NRG3: variants seen among roughly 807,000 people sequenced by gnomAD.
NRG3 encodes the protein pro-neuregulin-3, membrane-bound isoform.
Under a neutral mutation model 66.9 loss-of-function variants are expected in NRG3, and 31 were observed. The observed-to-expected ratio is 0.46, with a 90% confidence interval of 0.35 to 0.63. The LOEUF is 0.63. Ranked by LOEUF, NRG3 falls within the 20% of genes least tolerant of loss-of-function variation. NRG3 has a pLI of 0.00. For missense variants in NRG3, 910 were observed against 878.9 expected, an observed-to-expected ratio of 1.04 and a Z score of -0.45; for synonymous variants, 393 against 359.4, an observed-to-expected ratio of 1.09 and a Z score of -1.06.
intron 2 of NRG3, among the ~76,000 whole-genome samples, chr10:82,566,939 AG>A (rs2133074661): frequency 6.6e-6 from 1 of 152,108 alleles, no homozygotes; most frequent in Non-Finnish European, 1.5e-5. Flanking sequence ...GTGTCCTCAC[AG>A]TAAAGGAGTT....
intron 1 of NRG3, among the ~76,000 whole-genome samples, chr10:82,246,665 A>G (rs2077257783): frequency 6.6e-6 from 1 of 152,222 alleles, no homozygotes; most frequent in Non-Finnish European, 1.5e-5. Flanking sequence ...AAGAGGTCAA[A>G]CACAGAGCAG....
At chr10:82,443,881 A>T (rs560341588) in intron 2 of NRG3, among the ~76,000 whole-genome samples, 1 of 152,336 alleles carries the variant, frequency 6.6e-6, no homozygotes, top group Non-Finnish European at 1.5e-5. Context: ...TGCTTTCATT[A>T]TGAAGAAATG....
At chr10:81,943,792 C>A (rs1220988292) in intron 1 of NRG3, among the ~76,000 whole-genome samples, 1 of 152,184 alleles carries the variant, frequency 6.6e-6, no homozygotes, top group African/African-American at 2.4e-5. Context: ...AATCGTGGTG[C>A]TTTATACTGT....
chr10:82,119,704 T>G (rs1304636988), intron 1 of NRG3, among the ~76,000 whole-genome samples: 1 of 152,172 alleles, frequency 6.6e-6, no homozygotes, highest in African/African-American at 2.4e-5. Flanking sequence ...AATATATTCC[T>G]GTAAATATAC....
intron 2 of NRG3, among the ~76,000 whole-genome samples, chr10:82,501,718 A>G (rs931311904): frequency 6.6e-6 from 1 of 152,176 alleles, no homozygotes; most frequent in Non-Finnish European, 1.5e-5. Context: ...TTGACCATGC[A>G]TCAAGTGTTG....
chr10:82,538,884 C>T (rs2043344570), intron 2 of NRG3, among the ~76,000 whole-genome samples: 2 of 152,114 alleles, frequency 1.3e-5, no homozygotes, highest in African/African-American at 4.8e-5. Flanking sequence ...GATCACCAAA[C>T]ATTGAAGTTT....
intron 1 of NRG3, among the ~76,000 whole-genome samples, chr10:81,939,963 G>A (rs1231050759): frequency 1.3e-5 from 2 of 151,638 alleles, no homozygotes; most frequent in African/African-American, 4.8e-5. Context: ...ATTTTGGTAT[G>A]CTGTGTTTTC....
chr10:82,976,917 C>T (rs1852317147), intron 7 of NRG3, among the ~76,000 whole-genome samples: 1 of 152,158 alleles, frequency 6.6e-6, no homozygotes, highest in Non-Finnish European at 1.5e-5. Flanking sequence ...GGGATAATAA[C>T]AGCTTCCCAT....
chr10:82,655,634 A>T (rs918486830), intron 2 of NRG3, among the ~76,000 whole-genome samples: 1 of 152,192 alleles, frequency 6.6e-6, no homozygotes, highest in Non-Finnish European at 1.5e-5. Context: ...TTACTTCTAC[A>T]TATCTATTTA....
At chr10:82,441,045 T>G (rs766648118) in intron 2 of NRG3, among the ~76,000 whole-genome samples, 25 of 152,202 alleles carry the variant, frequency 1.6e-4, no homozygotes, top group Admixed American at 1.4e-3. Context: ...ATTTAGAAAT[T>G]TGTGGAATTT....
intron 4 of NRG3, among the ~76,000 whole-genome samples, chr10:82,905,909 A>T (rs568370677): frequency 1.3e-5 from 2 of 152,106 alleles, no homozygotes; most frequent in Non-Finnish European, 2.9e-5. Context: ...TTTGCTTCTA[A>T]CCACATTCCT....
chr10:81,936,586 A>G (rs1847891096), intron 1 of NRG3, among the ~76,000 whole-genome samples: 1 of 152,130 alleles, frequency 6.6e-6, no homozygotes, highest in Admixed American at 6.6e-5. Context: ...ACAAGAGAAC[A>G]TGTGAGAGAG....
At chr10:82,516,935 G>A (rs567534578) in intron 2 of NRG3, among the ~76,000 whole-genome samples, 4 of 152,224 alleles carry the variant, frequency 2.6e-5, no homozygotes, top group South Asian at 2.1e-4. Flanking sequence ...AGGGAAAAAT[G>A]CAATTGAAAA....
chr10:81,947,718 T>G (rs1589559352), intron 1 of NRG3, among the ~76,000 whole-genome samples: 1 of 152,024 alleles, frequency 6.6e-6, no homozygotes, highest in African/African-American at 2.4e-5. Flanking sequence ...TTTGCACACC[T>G]GAAGTGTATG....
intron 2 of NRG3, among the ~76,000 whole-genome samples, chr10:82,706,952 C>T (rs2056332224): frequency 6.7e-6 from 1 of 150,092 alleles, no homozygotes; most frequent in East Asian, 2.0e-4. Flanking sequence ...TGAGATCGCA[C>T]CACTGCACTC....
At chr10:82,077,435 C>T (rs1305555057) in intron 1 of NRG3, among the ~76,000 whole-genome samples, 2 of 152,162 alleles carry the variant, frequency 1.3e-5, no homozygotes, top group Non-Finnish European at 2.9e-5. Flanking sequence ...ATATTAAAAT[C>T]ATTTCATGCA....
intron 1 of NRG3, among the ~76,000 whole-genome samples, chr10:82,001,841 A>T (rs1459878433): frequency 6.6e-6 from 1 of 152,188 alleles, no homozygotes; most frequent in South Asian, 2.1e-4. Flanking sequence ...GTGCATGTAA[A>T]TGCTCTCAGG....
At chr10:82,455,183 A>G (rs954797703) in intron 2 of NRG3, among the ~76,000 whole-genome samples, 4 of 152,196 alleles carry the variant, frequency 2.6e-5, no homozygotes, top group Non-Finnish European at 5.9e-5. Context: ...CTTTCAGATA[A>G]TATATAGTCA....
At chr10:82,290,813 T>TG in intron 1 of NRG3, among the ~76,000 whole-genome samples, 2 of 151,348 alleles carry the variant, frequency 1.3e-5, no homozygotes, top group African/African-American at 2.4e-5. Context: ...TTTTTTTTTT[T>TG]TGTATTTTTT....
Sources: allele counts gnomAD v4.1 joint callset (sites outside exome capture counted in the v4.1 genomes callset), GRCh38; gene constraint gnomAD v4.1.1; transcripts MANE v1.5; gene names NCBI Gene and HGNC (gene_info 2026-07-23, HGNC 2026-07-21).